The following SMYD3 variants were observed in gnomAD, a reference collection of about 807,000 sequenced individuals.
SMYD3 encodes SET and MYND domain containing 3, also known as histone-lysine N-methyltransferase SMYD3.
Under a neutral mutation model 57.7 loss-of-function variants are expected in SMYD3, and 36 were observed. The observed-to-expected ratio is 0.62, with a 90% CI of 0.48 to 0.82. SMYD3 has a LOEUF of 0.82. Ranked by LOEUF, SMYD3 falls within the 40% of genes least tolerant of loss-of-function variation. SMYD3 has a pLI of 0.00. For missense variants in SMYD3, 515 were observed against 538.8 expected, an observed-to-expected ratio of 0.96 and a Z score of 0.44; for synonymous variants, 211 against 195.0, an observed-to-expected ratio of 1.08 and a Z score of -0.68.
At chr1:245,886,785 C>T (rs1040911519) in intron 8 of SMYD3, among the ~76,000 whole-genome samples, 7 of 152,162 alleles carry the variant, frequency 4.6e-5, no homozygotes, top group Admixed American at 6.5e-5. Flanking sequence ...CACACACTCA[C>T]GTTTTTCTGG....
intron 1 of SMYD3, among the ~76,000 whole-genome samples, chr1:246,397,798 G>C (rs998158363): frequency 1.3e-5 from 2 of 152,112 alleles, no homozygotes; most frequent in Non-Finnish European, 2.9e-5. Flanking sequence ...AGCAGGCAGG[G>C]GGACAGGGAA....
intron 5 of SMYD3, among the ~76,000 whole-genome samples, chr1:246,127,040 C>T (rs898201642): frequency 7.8e-4 from 118 of 151,442 alleles, no homozygotes; most frequent in Non-Finnish European, 1.1e-3. Flanking sequence ...ACAGAGAAAC[C>T]GTAGAGAGCG....
At chr1:245,977,156 T>C (rs1448578418) in intron 5 of SMYD3, among the ~76,000 whole-genome samples, 1 of 152,206 alleles carries the variant, frequency 6.6e-6, no homozygotes, top group East Asian at 1.9e-4. Context: ...TAGACAGAAT[T>C]AGAATCATCT....
At chr1:245,855,381 G>A (rs1372290895) in intron 10 of SMYD3, among the ~76,000 whole-genome samples, 1 of 152,074 alleles carries the variant, frequency 6.6e-6, no homozygotes, top group Non-Finnish European at 1.5e-5. Context: ...AGACTTTCAT[G>A]GGTTAGTCTG....
At chr1:246,100,601 C>G (rs1324095831) in intron 5 of SMYD3, among the ~76,000 whole-genome samples, 1 of 152,230 alleles carries the variant, frequency 6.6e-6, no homozygotes, top group East Asian at 1.9e-4. Context: ...CAAGTCCAAG[C>G]TTGTCACCAT....
At chr1:245,802,989 C>T (rs1227992691) in intron 10 of SMYD3, among the ~76,000 whole-genome samples, 1 of 152,208 alleles carries the variant, frequency 6.6e-6, no homozygotes, top group African/African-American at 2.4e-5. Context: ...AATCTGTGGA[C>T]ACCACTTGCC....
At chr1:245,796,461 G>A (rs185797764) in intron 10 of SMYD3, among the ~76,000 whole-genome samples, 88 of 152,024 alleles carry the variant, frequency 5.8e-4, no homozygotes, top group African/African-American at 1.9e-3. Flanking sequence ...TTAATGAACA[G>A]TAAAGAACTG....
chr1:245,912,495 G>C (rs776077255), intron 8 of SMYD3, among the ~76,000 whole-genome samples: 1 of 152,020 alleles, frequency 6.6e-6, no homozygotes, highest in South Asian at 2.1e-4. Context: ...TCAAGAAATA[G>C]AACTAATGAT....
chr1:246,104,055 C>T (rs1230539811), intron 5 of SMYD3, among the ~76,000 whole-genome samples: 1 of 152,190 alleles, frequency 6.6e-6, no homozygotes, highest in Non-Finnish European at 1.5e-5. Context: ...TGGTATGGAA[C>T]ACAAACTATT....
At position 245,852,212 on chromosome 1, in the gene SMYD3, C is replaced by T. The variant is rs1328416932; in HGVS notation, c.1076+6284G>A. 2.0e-5 allele frequency among the ~76,000 whole-genome samples: 3 copies of T among 152,236 alleles called. No individual in the cohort carries two copies. In the East Asian group the frequency reaches 5.8e-4, roughly 29 times the overall value. On this transcript the variant is annotated intron_variant, in intron 10 of 11. Coordinates refer to ENST00000490107, the MANE Select transcript of SMYD3 (RefSeq NM_001167740.2). Reference sequence around the variant, plus strand: ...GAGTAGGCCCAAGGCACCCTGCCTCCTCTTTTTCAGAGGTGTTGAAGGGCC... The same window carrying T: ...GAGTAGGCCCAAGGCACCCTGCCTCTTCTTTTTCAGAGGTGTTGAAGGGCC...
intron 10 of SMYD3, among the ~76,000 whole-genome samples, chr1:245,793,759 G>C (rs766970089): frequency 6.6e-6 from 1 of 152,020 alleles, no homozygotes; most frequent in Non-Finnish European, 1.5e-5. Flanking sequence ...AGGCTAACGT[G>C]CAAATCCCTG....
intron 1 of SMYD3, among the ~76,000 whole-genome samples, chr1:246,400,411 A>AT (rs533097202): frequency 6.6e-6 from 1 of 152,002 alleles, no homozygotes; most frequent in Non-Finnish European, 1.5e-5. Flanking sequence ...TTGTTTGTTT[A>AT]TTTTTTTTGA....
chr1:246,457,487 C>T (rs2067716032), intron 1 of SMYD3, among the ~76,000 whole-genome samples: 1 of 136,818 alleles, frequency 7.3e-6, no homozygotes, highest in African/African-American at 2.7e-5. Context: ...GAGCTGAGAT[C>T]GTGCCACTGC....
At chr1:245,828,843 C>T (rs2049663763) in intron 10 of SMYD3, among the ~76,000 whole-genome samples, 1 of 152,040 alleles carries the variant, frequency 6.6e-6, no homozygotes, top group South Asian at 2.1e-4. Flanking sequence ...ACTGGGATTA[C>T]AGGCATGAGC....
At chr1:245,834,860 T>C (rs2050025805) in intron 10 of SMYD3, among the ~76,000 whole-genome samples, 1 of 152,162 alleles carries the variant, frequency 6.6e-6, no homozygotes, top group Non-Finnish European at 1.5e-5. Flanking sequence ...GTGGGTAACA[T>C]GCATACATAA....
chr1:246,050,570 A>G (rs1189411052), intron 5 of SMYD3, among the ~76,000 whole-genome samples: 1 of 152,232 alleles, frequency 6.6e-6, no homozygotes, highest in Non-Finnish European at 1.5e-5. Context: ...ATAAAAAGCA[A>G]AAGGAATTTC....
At chr1:246,082,737 G>A (rs1004569757) in intron 5 of SMYD3, among the ~76,000 whole-genome samples, 11 of 152,180 alleles carry the variant, frequency 7.2e-5, no homozygotes, top group African/African-American at 2.4e-4. Flanking sequence ...GTAGAGAGAA[G>A]TAGACATAAG....
At chr1:246,031,127 T>A (rs879820336) in intron 5 of SMYD3, among the ~76,000 whole-genome samples, 3 of 152,196 alleles carry the variant, frequency 2.0e-5, no homozygotes, top group Non-Finnish European at 4.4e-5. Flanking sequence ...GGCTATAGAC[T>A]AGACCTTTTA....
At chr1:245,803,273 G>A (rs2047962136) in intron 10 of SMYD3, among the ~76,000 whole-genome samples, 1 of 152,126 alleles carries the variant, frequency 6.6e-6, no homozygotes, top group Admixed American at 6.5e-5. Context: ...CGTCACACTG[G>A]GGCACAGGAG....
Sources: allele counts gnomAD v4.1 joint callset (sites outside exome capture counted in the v4.1 genomes callset), GRCh38; gene constraint gnomAD v4.1.1; transcripts MANE v1.5; gene names NCBI Gene and HGNC (gene_info 2026-07-23, HGNC 2026-07-21).